RERG: variants seen among roughly 807,000 people sequenced by gnomAD.
RERG encodes ras-related and estrogen-regulated growth inhibitor.
A neutral mutation model predicts 23.2 loss-of-function variants in RERG; 25 were observed. The ratio of observed to expected loss-of-function variants is 1.08; its 90% CI spans 0.79 to 1.50. The LOEUF is 1.50. RERG is among the 40% of genes most tolerant of loss of function. The pLI, the probability that RERG is intolerant of heterozygous loss-of-function variation, is 0.00. For missense variants in RERG, 253 were observed against 250.1 expected, an observed-to-expected ratio of 1.01 and a Z score of -0.08; for synonymous variants, 81 against 89.1, an observed-to-expected ratio of 0.91 and a Z score of 0.51.
rs886293333 is a variant in RERG at position 15,160,542 on chromosome 12, G to C, written c.62-39423C>G. 2.0e-5 allele frequency among the ~76,000 whole-genome samples: 3 copies of C among 152,252 alleles called. No individual in the cohort carries two copies. The East Asian group carries it at 5.8e-4, about 29-fold the overall frequency. ...AACCTTTCAATCTCAGTTTCTTCATGTCTAAAATAGAAATCACAGTAATAT... is the reference window on the plus strand; with the variant it reads ...AACCTTTCAATCTCAGTTTCTTCATCTCTAAAATAGAAATCACAGTAATAT... On this transcript the variant is annotated intron_variant, in intron 2 of 4. Transcript: ENST00000256953.
At chr12:15,147,509 G>T (rs1020142609) in intron 2 of RERG, among the ~76,000 whole-genome samples, 1 of 152,130 alleles carries the variant, frequency 6.6e-6, no homozygotes, top group African/African-American at 2.4e-5. Flanking sequence ...TAAGAATACC[G>T]AGGGCAGCAA....
intron 2 of RERG, among the ~76,000 whole-genome samples, chr12:15,141,735 T>C (rs1183937586): frequency 6.6e-6 from 1 of 152,214 alleles, no homozygotes; most frequent in Non-Finnish European, 1.5e-5. Context: ...AGCTTTTTCT[T>C]TTTGTAAGAA....
chr12:15,143,431 A>G (rs569444838), intron 2 of RERG, among the ~76,000 whole-genome samples: 2 of 152,232 alleles, frequency 1.3e-5, no homozygotes, highest in Admixed American at 6.5e-5. Flanking sequence ...GTAATAATAC[A>G]TACATATTAT....
chr12:15,161,209 A>AGAAAGAAAGAAG, intron 2 of RERG, among the ~76,000 whole-genome samples: 1 of 142,932 alleles, frequency 7.0e-6, no homozygotes, highest in South Asian at 2.3e-4. Context: ...AAAGAAAGAA[A>AGAAAGAAAGAAG]GAAAGAAAGA....
chr12:15,131,664 T>A (rs954929951), intron 2 of RERG, among the ~76,000 whole-genome samples: 1 of 152,084 alleles, frequency 6.6e-6, no homozygotes. Flanking sequence ...GTTTATGCCA[T>A]CTGGCATAAA....
intron 4 of RERG, chr12:15,110,885 T>A (rs1351906636): frequency 6.6e-6 from 1 of 152,618 alleles, no homozygotes; most frequent in African/African-American, 2.4e-5. Flanking sequence ...TAAAATGAAG[T>A]ATTCTGAAAC....
intron 2 of RERG, among the ~76,000 whole-genome samples, chr12:15,175,946 G>A (rs1163437271): frequency 6.6e-6 from 1 of 152,210 alleles, no homozygotes; most frequent in Non-Finnish European, 1.5e-5. Flanking sequence ...GATAACAGGA[G>A]ATAAAGTACC....
At position 15,141,272 on chromosome 12, in the gene RERG, CAGCCTCCTG is replaced by C. The variant is rs1261137289; in HGVS notation, c.62-20162_62-20154del. On this transcript the variant is annotated intron_variant, in intron 2 of 4. Transcript: ENST00000256953. Reference sequence around the variant, plus strand: ...CCAAGTTCAAGCTATTCTCCTGCCTCAGCCTCCTGAGTAGTTGGGACTACAGGTGCCTGC... The same window carrying C: ...CCAAGTTCAAGCTATTCTCCTGCCTCAGTAGTTGGGACTACAGGTGCCTGC... 2.6e-5 allele frequency among the ~76,000 whole-genome samples: 4 copies of C among 151,926 alleles called. No homozygotes were observed. The East Asian group carries it at 7.7e-4, about 29-fold the overall frequency.
intron 2 of RERG, among the ~76,000 whole-genome samples, chr12:15,189,692 T>C (rs543878238): frequency 1.3e-5 from 2 of 152,282 alleles, no homozygotes; most frequent in South Asian, 4.1e-4. Flanking sequence ...AGGTGGTAAA[T>C]AAACATTTGT....
intron 2 of RERG, among the ~76,000 whole-genome samples, chr12:15,169,873 C>T (rs1157104152): frequency 2.6e-5 from 4 of 151,538 alleles, no homozygotes; most frequent in Non-Finnish European, 4.4e-5. Context: ...AGAAGCCAAA[C>T]ACCACACAAG....
intron 2 of RERG, among the ~76,000 whole-genome samples, chr12:15,165,693 G>A (rs1864676612): frequency 6.6e-6 from 1 of 152,164 alleles, no homozygotes; most frequent in South Asian, 2.1e-4. Flanking sequence ...ATGCCCTGGA[G>A]TAAGTACCAG....
Position 15,221,356 on chromosome 12 carries a change from G to A in RERG, c.-276C>T, listed in dbSNP as rs1323298854. 6.6e-6 allele frequency: 1 copy of A among 152,302 alleles called. No homozygotes were observed. The highest frequency in any genetic ancestry group is 2.4e-5 in the African/African-American group (1 of 41,462). The allele number at this position is 152,302 out of a possible 1,614,324, so 9.4% of individuals were successfully genotyped here. A position where few individuals can be genotyped will look rare whatever the true frequency, so the allele number is the denominator to read the frequency against. On this transcript the variant is annotated 5_prime_UTR_variant, in exon 1 of 5. Transcript: ENST00000256953. ...GGTGGGACTCGCCGCAGAAGCAAGTGCCAGTGGCCCGGCGGGGGTCTCCTC... is the reference window on the plus strand; with the variant it reads ...GGTGGGACTCGCCGCAGAAGCAAGTACCAGTGGCCCGGCGGGGGTCTCCTC...
At chr12:15,196,490 T>C (rs1171179872) in intron 2 of RERG, among the ~76,000 whole-genome samples, 1 of 152,146 alleles carries the variant, frequency 6.6e-6, no homozygotes, top group Non-Finnish European at 1.5e-5. Flanking sequence ...GGGCTTCATA[T>C]TAACAACCGT....
At chr12:15,128,577 C>T (rs1416043037) in intron 2 of RERG, among the ~76,000 whole-genome samples, 1 of 152,070 alleles carries the variant, frequency 6.6e-6, no homozygotes, top group East Asian at 1.9e-4. Flanking sequence ...CAATTGAAGT[C>T]CTGTTATGAT....
intron 2 of RERG, among the ~76,000 whole-genome samples, chr12:15,143,341 T>C (rs12581605): frequency 5.2e-5 from 1 of 19,212 alleles, no homozygotes; most frequent in African/African-American, 1.6e-4. Context: ...AATATATACA[T>C]ACACACATGT....
intron 2 of RERG, among the ~76,000 whole-genome samples, chr12:15,202,657 T>C (rs1354896743): frequency 6.6e-6 from 1 of 151,710 alleles, no homozygotes; most frequent in Non-Finnish European, 1.5e-5. Context: ...AATGTTTCAT[T>C]ACATATATCC....
At chr12:15,111,305 T>C (rs374562589) in intron 4 of RERG, 39 bp downstream of exon 4, 3 of 1,505,574 alleles carry the variant, frequency 2.0e-6, no homozygotes, top group Admixed American at 1.8e-5. Flanking sequence ...TCAGTTTTAT[T>C]TGATCCAGAA....
chr12:15,164,238 C>T (rs1248334678), intron 2 of RERG, among the ~76,000 whole-genome samples: 2 of 152,180 alleles, frequency 1.3e-5, no homozygotes, highest in African/African-American at 2.4e-5. Flanking sequence ...ATTCATCCAT[C>T]CTCCTTTCTA....
chr12:15,200,744 A>G (rs1865204283), intron 2 of RERG, among the ~76,000 whole-genome samples: 1 of 151,996 alleles, frequency 6.6e-6, no homozygotes, highest in South Asian at 2.1e-4. Context: ...CATCATTTAA[A>G]AATTCCAACT....
Sources: gnomAD v4.1 joint callset for allele counts (sites outside exome capture counted in the v4.1 genomes callset) on GRCh38, gnomAD v4.1.1 for gene constraint, MANE v1.5 for transcripts, NCBI Gene and HGNC (gene_info 2026-07-23, HGNC 2026-07-21) for gene names.